PRR16: variants seen among roughly 807,000 people sequenced by gnomAD.
PRR16 encodes protein Largen.
In PRR16, 6 loss-of-function variants were observed where a neutral mutation model predicts 18.2. The ratio of observed to expected loss-of-function variants is 0.33; its 90% confidence interval spans 0.18 to 0.65. The LOEUF is 0.65. Ranked by LOEUF, PRR16 falls within the 30% of genes least tolerant of loss-of-function variation. PRR16 has a pLI of 0.74. For missense variants in PRR16, 412 were observed against 376.6 expected (o/e 1.09, Z -0.78); for synonymous variants, 151 against 147.8 (o/e 1.02, Z -0.16).
At chr5:120,595,696 A>T (rs2112781853) in intron 1 of PRR16, among the ~76,000 whole-genome samples, 1 of 152,124 alleles carries the variant, frequency 6.6e-6, no homozygotes, top group South Asian at 2.1e-4. Flanking sequence ...AGTTAAAAAA[A>T]TTCAATGACT....
At chr5:120,776,637 T>G in the PRR16 span, among the ~76,000 whole-genome samples, 1 of 152,036 alleles carries the variant, frequency 6.6e-6, no homozygotes, top group Non-Finnish European at 1.5e-5. Context: ...ACCACCTAAA[T>G]AAAAGAATTT....
intron 1 of PRR16, among the ~76,000 whole-genome samples, chr5:120,638,758 A>G (rs1755328977): frequency 1.3e-5 from 2 of 152,020 alleles, no homozygotes; most frequent in African/African-American, 4.8e-5. Context: ...CACACAGCCT[A>G]TGGCGTGATG....
chr5:120,548,831 A>G (rs1159815939), intron 1 of PRR16, among the ~76,000 whole-genome samples: 2 of 100,220 alleles, frequency 2.0e-5, no homozygotes, highest in Non-Finnish European at 4.5e-5. Context: ...CTGCCATCCT[A>G]TCTGTTTTTA....
chr5:120,616,201 AC>A (rs1366624664), intron 1 of PRR16, among the ~76,000 whole-genome samples: 1 of 152,006 alleles, frequency 6.6e-6, no homozygotes, highest in Non-Finnish European at 1.5e-5. Flanking sequence ...CTAAGTTCTT[AC>A]TCTTTTATTC....
intron 1 of PRR16, among the ~76,000 whole-genome samples, chr5:120,601,297 G>A (rs1330790143): frequency 6.6e-6 from 1 of 151,910 alleles, no homozygotes; most frequent in Non-Finnish European, 1.5e-5. Context: ...CTTTCTTGTG[G>A]TTTTGATTTG....
At chr5:120,706,537 C>T in the PRR16 span, among the ~76,000 whole-genome samples, 1 of 152,104 alleles carries the variant, frequency 6.6e-6, no homozygotes, top group Non-Finnish European at 1.5e-5. Context: ...TATACCTGAT[C>T]TTTGAAAAGA....
the PRR16 span, among the ~76,000 whole-genome samples, chr5:120,729,598 T>C: frequency 6.6e-6 from 1 of 152,270 alleles, no homozygotes; most frequent in South Asian, 2.1e-4. Flanking sequence ...ATAAGCTCCA[T>C]AAAAGCAAGA....
intron 1 of PRR16, among the ~76,000 whole-genome samples, chr5:120,558,707 G>T (rs888724594): frequency 2.0e-5 from 3 of 151,704 alleles, no homozygotes; most frequent in African/African-American, 4.8e-5. Context: ...TTTTTAGTTT[G>T]TTGAGGAACC....
chr5:120,726,162 C>T, the PRR16 span, among the ~76,000 whole-genome samples: 2 of 152,060 alleles, frequency 1.3e-5, no homozygotes, highest in Admixed American at 6.6e-5. Context: ...TTGCTGATAA[C>T]GCTTTACATT....
intron 1 of PRR16, among the ~76,000 whole-genome samples, chr5:120,475,956 A>C (rs1749427531): frequency 6.6e-6 from 1 of 152,126 alleles, no homozygotes; most frequent in Non-Finnish European, 1.5e-5. Flanking sequence ...ATGCAACAAG[A>C]GCATAAAATC....
At chr5:120,695,910 C>G in the PRR16 span, among the ~76,000 whole-genome samples, 2 of 134,518 alleles carry the variant, frequency 1.5e-5, no homozygotes, top group Non-Finnish European at 3.1e-5. Context: ...AAAAAAAAAT[C>G]TTATTCCAAC....
chr5:120,717,919 C>G, the PRR16 span, among the ~76,000 whole-genome samples: 2 of 152,062 alleles, frequency 1.3e-5, no homozygotes, highest in Non-Finnish European at 2.9e-5. Flanking sequence ...TTAACTGAGC[C>G]TTGCATTCAG....
chr5:120,581,135 T>G (rs1753257790), intron 1 of PRR16, among the ~76,000 whole-genome samples: 1 of 152,214 alleles, frequency 6.6e-6, no homozygotes, highest in South Asian at 2.1e-4. Flanking sequence ...AATTCACCTG[T>G]AAATCCGTCT....
At chr5:120,574,702 A>G (rs574780694) in intron 1 of PRR16, among the ~76,000 whole-genome samples, 1 of 149,412 alleles carries the variant, frequency 6.7e-6, no homozygotes, top group South Asian at 2.1e-4. Flanking sequence ...GCAAATTAAA[A>G]CCACTTTATA....
the PRR16 span, among the ~76,000 whole-genome samples, chr5:120,696,396 A>G: frequency 6.6e-6 from 1 of 152,184 alleles, no homozygotes; most frequent in African/African-American, 2.4e-5. Flanking sequence ...TAAAGGCAGT[A>G]CTTACCATAC....
chr5:120,761,985 G>C, the PRR16 span, among the ~76,000 whole-genome samples: 3 of 151,926 alleles, frequency 2.0e-5, no homozygotes, highest in African/African-American at 7.3e-5. Flanking sequence ...TCATCTTACT[G>C]TGCTTGGCTA....
chr5:120,682,470 G>A (rs954669655), intron 1 of PRR16, among the ~76,000 whole-genome samples: 7 of 152,104 alleles, frequency 4.6e-5, no homozygotes, highest in African/African-American at 7.2e-5. Flanking sequence ...AGGAAATAAC[G>A]TAGAGACTGA....
intron 1 of PRR16, among the ~76,000 whole-genome samples, chr5:120,599,760 C>T (rs1410720041): frequency 6.7e-6 from 1 of 148,620 alleles, no homozygotes; most frequent in Non-Finnish European, 1.5e-5. Context: ...TGGCCTCTAG[C>T]CCAGCGTCTT....
rs188346141 is a variant in PRR16 at position 120,613,832 on chromosome 5, C to A, written c.160-72122C>A. Among the ~76,000 whole-genome samples the A allele has an allele frequency of 4.6e-5, 7 of 152,280 alleles. No homozygotes were observed. In the East Asian group the frequency reaches 1.4e-3, roughly 29 times the overall value. ...GAAATCTGGACTGAGAATCCAATAGCCCTCTGCTGTTTAGCCTAAGAGCTG... is the reference window on the plus strand; with the variant it reads ...GAAATCTGGACTGAGAATCCAATAGACCTCTGCTGTTTAGCCTAAGAGCTG... On this transcript the variant is annotated intron_variant, in intron 1 of 1. Coordinates refer to ENST00000407149, the MANE Select transcript of PRR16 (RefSeq NM_001300783.2).
Sources: gnomAD v4.1 joint callset for allele counts (sites outside exome capture counted in the v4.1 genomes callset) on GRCh38, gnomAD v4.1.1 for gene constraint, MANE v1.5 for transcripts, NCBI Gene and HGNC (gene_info 2026-07-23, HGNC 2026-07-21) for gene names.